The following APC variants were observed in gnomAD, a reference collection of about 807,000 sequenced individuals.
APC encodes adenomatous polyposis coli protein.
Under a neutral mutation model 247.0 loss-of-function variants are expected in APC, and 72 were observed. The ratio of observed to expected loss-of-function variants is 0.29; its 90% CI spans 0.24 to 0.35. APC has a LOEUF of 0.35. Ranked by LOEUF, APC falls within the 10% of genes least tolerant of loss-of-function variation. The pLI, the probability that APC is intolerant of heterozygous loss-of-function variation, is 1.00. For missense variants in APC, 3,400 were observed against 3,360.7 expected, an observed-to-expected ratio of 1.01 and a Z score of -0.29; for synonymous variants, 1,254 against 1,162.5, an observed-to-expected ratio of 1.08 and a Z score of -1.60.
At position 112,843,511 on chromosome 5, in the gene APC, A is replaced by G; in HGVS notation, c.7917A>G (p.Glu2639=). 1 of 1,613,884 alleles carries G rather than the reference A, an allele frequency of 6.2e-7. No homozygotes were observed. The highest frequency in any genetic ancestry group is 8.5e-7 in the Non-Finnish European group (1 of 1,179,784). ...TVSSGATNGA[E]SKTLIYQMAP... Reference sequence around the variant, plus strand: ...CCTCAGGTGCTACAAATGGTGCTGAATCAAAGACTCTAATTTATCAAATGG... The same window carrying G: ...CCTCAGGTGCTACAAATGGTGCTGAGTCAAAGACTCTAATTTATCAAATGG... The change falls in exon 16 of 16, where the codon GAA becomes GAG. Residue 2639 remains glutamate, a synonymous_variant. Transcript: ENST00000257430. This position sits in a 1 kb window ranked among gnomAD's most constrained non-coding sequence, Gnocchi z 4.8.
intron 2 of APC, among the ~76,000 whole-genome samples, chr5:112,762,846 C>T (rs1561456423): frequency 1.3e-5 from 2 of 152,130 alleles, no homozygotes; most frequent in African/African-American, 4.8e-5. Context: ...AAAAAAATTA[C>T]TTGAGGTCAG....
chr5:112,738,335 T>G, intron 1 of APC: 5 of 985,568 alleles, frequency 5.1e-6, no homozygotes, highest in Non-Finnish European at 6.0e-6. Context: ...AAGGCTTCTT[T>G]TCCTCCCTGG....
intron 14 of APC, 77 bp from the exon 15 acceptor site, chr5:112,834,874 C>A: frequency 1.6e-6 from 2 of 1,283,182 alleles, no homozygotes; most frequent in Non-Finnish European, 2.3e-6. Flanking sequence ...AGCTTTTATT[C>A]AATATCAGTA....
chr5:112,816,933 A>C (rs1762574760), intron 9 of APC, among the ~76,000 whole-genome samples: 2 of 151,764 alleles, frequency 1.3e-5, no homozygotes, highest in Non-Finnish European at 2.9e-5. Flanking sequence ...CAGTGGCACG[A>C]TCTTGGCTCA....
chr5:112,713,953 G>A lies in APC; in HGVS notation c.165+6071G>A, dbSNP rs56251247. Reference sequence around the variant, plus strand: ...GATTATAGGCGTTAGCCACCGTGCCGAGCCTATACGTAAGATTTTGACTGA... The same window carrying A: ...GATTATAGGCGTTAGCCACCGTGCCAAGCCTATACGTAAGATTTTGACTGA... On this transcript the variant is annotated intron_variant, in intron 1 of 13. Coordinates refer to the APC transcript ENST00000507379. 6.9e-3 allele frequency among the ~76,000 whole-genome samples: 1,058 copies of A among 152,274 alleles called. 12 individuals carry two copies. Among genetic ancestry groups the A allele is most frequent in the African/African-American group, 0.024 (991 of 41,560 alleles).
intron 6 of APC, among the ~76,000 whole-genome samples, chr5:112,784,224 C>T (rs954274354): frequency 4.6e-5 from 7 of 152,204 alleles, no homozygotes; most frequent in Admixed American, 2.6e-4. Context: ...TGTGCCACCA[C>T]GCCCAGCTAA....
intron 1 of APC, among the ~76,000 whole-genome samples, chr5:112,715,480 T>C (rs1751113617): frequency 6.6e-6 from 1 of 152,110 alleles, no homozygotes; most frequent in Non-Finnish European, 1.5e-5. Flanking sequence ...TGTTCATGAG[T>C]GAGGTGGCCT....
chr5:112,716,682 TGTA>T (rs1751190174), intron 1 of APC, among the ~76,000 whole-genome samples: 1 of 152,226 alleles, frequency 6.6e-6, no homozygotes, highest in Non-Finnish European at 1.5e-5. Context: ...GTATTTCCCT[TGTA>T]GTTCTCTAAT....
At chr5:112,809,197 CA>C (rs542569641) in intron 8 of APC, among the ~76,000 whole-genome samples, 2,054 of 126,018 alleles carry the variant, frequency 0.016, 13 homozygotes, top group South Asian at 0.02. Flanking sequence ...ACAAAAAATA[CA>C]AAAAAAAAAA....
chr5:112,811,835 C>T (rs1276953621), intron 8 of APC, among the ~76,000 whole-genome samples: 3 of 152,194 alleles, frequency 2.0e-5, no homozygotes, highest in African/African-American at 7.2e-5. Context: ...GATCAGAAAT[C>T]CTGGTGCAGC....
chr5:112,729,525 A>T (rs942824575), intron 1 of APC, among the ~76,000 whole-genome samples: 14 of 152,238 alleles, frequency 9.2e-5, no homozygotes, highest in Non-Finnish European at 1.5e-4. Flanking sequence ...GGCATAAGAA[A>T]GAGGTAGGTG....
rs1766787423 is a variant in APC at position 112,844,249 on chromosome 5, G to C, written c.*123G>C. On this transcript the variant is annotated 3_prime_UTR_variant, in exon 16 of 16. Coordinates refer to ENST00000257430, the MANE Select transcript of APC (RefSeq NM_000038.6). Reference sequence around the variant, plus strand: ...GTAAATAGGTTTGATTCTTGTTAGAGGGTTTTTGTTCTGGAAGCCATATTT... The same window carrying C: ...GTAAATAGGTTTGATTCTTGTTAGACGGTTTTTGTTCTGGAAGCCATATTT... The C allele has an allele frequency of 1.1e-6, 1 of 942,242 alleles. No individual in the cohort carries two copies. Among genetic ancestry groups the C allele is most frequent in the African/African-American group, 1.7e-5 (1 of 59,926 alleles). 58.4% of individuals were successfully genotyped at this position (942,242 alleles called of 1,614,324 possible). A position where few individuals can be genotyped will look rare whatever the true frequency, so the allele number is the denominator to read the frequency against.
intron 4 of APC, among the ~76,000 whole-genome samples, chr5:112,767,982 C>T (rs1172849667): frequency 6.6e-6 from 1 of 151,552 alleles, no homozygotes; most frequent in Non-Finnish European, 1.5e-5. Flanking sequence ...GAGGCTGAGG[C>T]GGTAGGATTG....
chr5:112,826,979 TA>T, intron 11 of APC, 128 bp from the exon 12 acceptor site: 1 of 866,926 alleles, frequency 1.2e-6, no homozygotes, highest in Non-Finnish European at 1.8e-6. Flanking sequence ...CTTATAATTC[TA>T]AAGGCAAATT....
Position 112,819,229 on chromosome 5 carries a change from A to G in APC, c.1197A>G (p.Arg399=), listed in dbSNP as rs786202331. 1 of 1,613,956 alleles carries G rather than the reference A, an allele frequency of 6.2e-7. No individual in the cohort carries two copies. The part of the protein sequence containing the change: ...NIIHSQPDDK[R]GRREIRVLHL... ...TTCACTCACAGCCTGATGACAAGAG[A>G]GGCAGGCGTGAAATCCGAGTCCTTC... The change falls in exon 10 of 16, where the codon AGA becomes AGG. Residue 399 remains arginine (R), a synonymous_variant. Transcript: ENST00000257430.
intron 2 of APC, among the ~76,000 whole-genome samples, chr5:112,763,939 CAAAG>C (rs1755958395): frequency 6.6e-6 from 1 of 152,078 alleles, no homozygotes; most frequent in Admixed American, 6.5e-5. Flanking sequence ...AAGAATCTTA[CAAAG>C]AGAGACCTGA....
chr5:112,815,617 G>C (rs377763656), intron 9 of APC, 24 bp downstream of exon 9: 70 of 1,566,924 alleles, frequency 4.5e-5, no homozygotes, highest in Non-Finnish European at 5.6e-5. Flanking sequence ...ACAAACCCTG[G>C]TCACTAATGC....
chr5:112,726,426 G>A (rs141438352), intron 1 of APC, among the ~76,000 whole-genome samples: 17 of 152,316 alleles, frequency 1.1e-4, no homozygotes, highest in African/African-American at 3.8e-4. Context: ...ACCATCCCCA[G>A]CCAAACTCCT....
rs567463843 is a variant in APC, at chr5:112,800,360, TGA to T, written c.730-917_730-916del. Among the ~76,000 whole-genome samples the T allele has an allele frequency of 3.3e-3, 501 of 152,338 alleles. 4 individuals carry two copies. Among genetic ancestry groups the T allele is most frequent in the African/African-American group, 0.011 (478 of 41,590 alleles). On this transcript the variant is annotated intron_variant, in intron 7 of 15. Transcript: ENST00000257430. ...AATTATTCTTATATTTCTGGATTACTGAGTGCTACCTCACTTTTGCCAGCATA... is the reference window on the plus strand; with the variant it reads ...AATTATTCTTATATTTCTGGATTACTGTGCTACCTCACTTTTGCCAGCATA...
Sources: allele counts gnomAD v4.1 joint callset (sites outside exome capture counted in the v4.1 genomes callset), GRCh38; gene constraint gnomAD v4.1.1; non-coding constraint Gnocchi (gnomAD v3.1); transcripts MANE v1.5; gene names NCBI Gene and HGNC (gene_info 2026-07-23, HGNC 2026-07-21).